The following EPHA6 variants were observed in gnomAD, a reference collection of about 807,000 sequenced individuals.
The protein encoded by EPHA6 is EPH receptor A6.
Under a neutral mutation model 112.0 loss-of-function variants are expected in EPHA6, and 50 were observed. The ratio of observed to expected loss-of-function variants is 0.45; its 90% CI spans 0.36 to 0.56. The LOEUF (loss-of-function observed/expected upper bound fraction) is 0.56, where lower values mean the gene tolerates loss of function less well. Ranked by LOEUF, EPHA6 falls within the 20% of genes least tolerant of loss-of-function variation. The probability of loss-of-function intolerance (pLI) is 0.00; values close to 1 mark genes in which losing one functional copy is unlikely to be tolerated. For synonymous variants in EPHA6, 529 were observed against 490.7 expected, an observed-to-expected ratio of 1.08 and a Z score of -1.03; for missense variants, 1,280 against 1,417.4, an observed-to-expected ratio of 0.90 and a Z score of 1.56.
chr3:97,297,758 A>G (rs1320271869), intron 5 of EPHA6, among the ~76,000 whole-genome samples: 1 of 151,920 alleles, frequency 6.6e-6, no homozygotes, highest in East Asian at 1.9e-4. Context: ...TTGGATTATT[A>G]TTTTATTTAT....
chr3:97,061,387 A>C (rs1013016414), intron 3 of EPHA6, among the ~76,000 whole-genome samples: 2 of 152,334 alleles, frequency 1.3e-5, no homozygotes, highest in African/African-American at 4.8e-5. Context: ...GAAAGTGGTC[A>C]TATCCAAGTA....
chr3:97,038,366 G>A (rs2045188685), intron 3 of EPHA6, among the ~76,000 whole-genome samples: 1 of 151,840 alleles, frequency 6.6e-6, no homozygotes, highest in African/African-American at 2.4e-5. Context: ...TCTTCGTGAA[G>A]TCCAATTTTT....
At chr3:97,360,612 T>C (rs1472084243) in intron 5 of EPHA6, among the ~76,000 whole-genome samples, 1 of 152,200 alleles carries the variant, frequency 6.6e-6, no homozygotes, top group African/African-American at 2.4e-5. Context: ...TGAAATCATA[T>C]ATCATTGTTT....
intron 1 of EPHA6, among the ~76,000 whole-genome samples, chr3:96,853,105 C>T (rs2035492390): frequency 6.6e-6 from 1 of 152,024 alleles, no homozygotes; most frequent in South Asian, 2.1e-4. Flanking sequence ...TCCATACCTC[C>T]ATATATTCAC....
rs2035860920 is a variant in EPHA6 at position 97,750,144 on chromosome 3, GAGTA to G, written c.*1449_*1452del. On this transcript the variant is annotated 3_prime_UTR_variant, in exon 18 of 18. Coordinates refer to ENST00000389672, the MANE Select transcript of EPHA6 (RefSeq NM_001080448.3). ...AAAATGACGACTGTTTTAGGTGAAA[GAGTA>G]AGTAAAATGTGTTGAGAGAAAAAAA... 6.6e-6 allele frequency among the ~76,000 whole-genome samples: 1 copy of G among 152,110 alleles called. No individual in the cohort carries two copies. Among genetic ancestry groups the G allele is most frequent in the Admixed American group, 6.5e-5 (1 of 15,268 alleles).
intron 2 of EPHA6, among the ~76,000 whole-genome samples, chr3:96,944,895 G>A (rs1053221705): frequency 6.6e-6 from 1 of 152,090 alleles, no homozygotes; most frequent in African/African-American, 2.4e-5. Context: ...AGCCAATATC[G>A]TGCCACTGCA....
intron 3 of EPHA6, among the ~76,000 whole-genome samples, chr3:97,113,827 C>T (rs2047800147): frequency 6.6e-6 from 1 of 151,972 alleles, no homozygotes; most frequent in Non-Finnish European, 1.5e-5. Flanking sequence ...GTCCCACAGA[C>T]TTTTTTCTTA....
intron 3 of EPHA6, among the ~76,000 whole-genome samples, chr3:97,201,458 A>G (rs1024739965): frequency 2.0e-5 from 3 of 152,128 alleles, no homozygotes; most frequent in African/African-American, 7.2e-5. Context: ...TAAAACTTGA[A>G]TTCTTAATTG....
At chr3:97,176,436 CCTT>C (rs1193400746) in intron 3 of EPHA6, among the ~76,000 whole-genome samples, 2 of 151,834 alleles carry the variant, frequency 1.3e-5, no homozygotes, top group African/African-American at 2.4e-5. Flanking sequence ...ATTATTCCCT[CCTT>C]CTCTGCTCTT....
intron 14 of EPHA6, among the ~76,000 whole-genome samples, chr3:97,666,443 T>C (rs904256501): frequency 2.6e-5 from 4 of 152,206 alleles, no homozygotes; most frequent in Non-Finnish European, 5.9e-5. Flanking sequence ...TTCTGAAAGT[T>C]GTGAAAGATA....
intron 11 of EPHA6, among the ~76,000 whole-genome samples, chr3:97,588,512 A>C (rs2093512925): frequency 6.6e-6 from 1 of 152,228 alleles, no homozygotes; most frequent in Non-Finnish European, 1.5e-5. Flanking sequence ...TTTTGCCATC[A>C]AAAGTAAATT....
At chr3:97,385,010 C>T (rs1042487103) in intron 5 of EPHA6, among the ~76,000 whole-genome samples, 1 of 152,144 alleles carries the variant, frequency 6.6e-6, no homozygotes, top group African/African-American at 2.4e-5. Context: ...ATACCTTCAT[C>T]ATGGCTGATT....
intron 5 of EPHA6, among the ~76,000 whole-genome samples, chr3:97,353,223 G>T (rs922131772): frequency 1.3e-5 from 2 of 151,820 alleles, no homozygotes; most frequent in South Asian, 4.2e-4. Context: ...ATTCCCAGTG[G>T]TGGGGCCATG....
chr3:97,219,270 C>T (rs116670279), intron 3 of EPHA6, among the ~76,000 whole-genome samples: 3,705 of 152,224 alleles, frequency 0.024, 76 homozygotes, highest in Non-Finnish European at 0.037. Flanking sequence ...AGTGGGGACT[C>T]TGTGTTGGGG....
At chr3:97,119,524 C>T (rs374691497) in intron 3 of EPHA6, among the ~76,000 whole-genome samples, 34 of 151,860 alleles carry the variant, frequency 2.2e-4, no homozygotes, top group East Asian at 5.8e-4. Context: ...AAATCAAAGC[C>T]GCAGAAACTT....
At chr3:97,213,236 C>T (rs2108517227) in intron 3 of EPHA6, among the ~76,000 whole-genome samples, 1 of 152,294 alleles carries the variant, frequency 6.6e-6, no homozygotes, top group East Asian at 1.9e-4. Flanking sequence ...CTGTGCTGTG[C>T]CCTTCTGCAA....
At position 97,214,627 on chromosome 3, in the gene EPHA6, TCA is replaced by T. The variant is rs371129660; in HGVS notation, c.1115-11634_1115-11633del. 2.8e-4 allele frequency among the ~76,000 whole-genome samples: 42 copies of T among 152,162 alleles called. 1 individual carries two copies. The East Asian group carries it at 8.1e-3, about 29-fold the overall frequency. ...ATATTTTCATTGTTATTTTAAGCAA[TCA>T]CATAAAGTTTCTCAAATTATAAGCG... On this transcript the variant is annotated intron_variant, in intron 3 of 17. Coordinates refer to ENST00000389672, the MANE Select transcript of EPHA6 (RefSeq NM_001080448.3).
intron 8 of EPHA6, among the ~76,000 whole-genome samples, chr3:97,476,424 A>G (rs2091370677): frequency 6.6e-6 from 1 of 152,136 alleles, no homozygotes; most frequent in Non-Finnish European, 1.5e-5. Context: ...AAGTACACCA[A>G]CCCTGCCAGA....
chr3:97,537,859 A>AT (rs2092785865), intron 11 of EPHA6, among the ~76,000 whole-genome samples: 1 of 152,210 alleles, frequency 6.6e-6, no homozygotes, highest in Non-Finnish European at 1.5e-5. Flanking sequence ...GATTATAGGC[A>AT]TGAGCCACAG....
Sources: gnomAD v4.1 joint callset for allele counts (sites outside exome capture counted in the v4.1 genomes callset) on GRCh38, gnomAD v4.1.1 for gene constraint, MANE v1.5 for transcripts, NCBI Gene and HGNC (gene_info 2026-07-23, HGNC 2026-07-21) for gene names.